The following GRIK1 variants were observed in gnomAD, a reference collection of about 807,000 sequenced individuals.
The protein encoded by GRIK1 is glutamate ionotropic receptor kainate type subunit 1, also known as glutamate receptor ionotropic, kainate 1.
A neutral mutation model predicts 105.7 loss-of-function variants in GRIK1; 69 were observed. The observed-to-expected ratio is 0.65, with a 90% CI of 0.54 to 0.80. GRIK1 has a LOEUF of 0.80. Among genes scored for constraint, GRIK1 ranks in the 30% least tolerant of loss-of-function variants. The probability of loss-of-function intolerance (pLI) is 0.00; values close to 1 mark genes in which losing one functional copy is unlikely to be tolerated. For missense variants in GRIK1, 1,109 were observed against 1,167.3 expected, an observed-to-expected ratio of 0.95 and a Z score of 0.73; for synonymous variants, 438 against 431.3, an observed-to-expected ratio of 1.02 and a Z score of -0.19.
chr21:29,933,343 C>T (rs1200327440), intron 1 of GRIK1, among the ~76,000 whole-genome samples: 1 of 152,054 alleles, frequency 6.6e-6, no homozygotes, highest in Non-Finnish European at 1.5e-5. Flanking sequence ...GTGTTACTGG[C>T]CCATGTTGCC....
chr21:29,872,099 T>A (rs111590767), intron 1 of GRIK1, among the ~76,000 whole-genome samples: 14,475 of 152,018 alleles, frequency 0.095, 878 homozygotes, highest in African/African-American at 0.17. Context: ...ATAAAAACTG[T>A]AAATATTAAT....
chr21:29,833,548 C>T (rs1457704388), intron 1 of GRIK1, among the ~76,000 whole-genome samples: 3 of 152,156 alleles, frequency 2.0e-5, no homozygotes, highest in Admixed American at 2.0e-4. Context: ...GGGGAAGCAG[C>T]TCATCTTACA....
chr21:29,795,838 TAGTG>T (rs1409425655), intron 1 of GRIK1, among the ~76,000 whole-genome samples: 1 of 152,218 alleles, frequency 6.6e-6, no homozygotes, highest in Non-Finnish European at 1.5e-5. Context: ...TTTCTTTTGA[TAGTG>T]AGGCTATCAA....
chr21:29,741,997 C>A (rs2064942196), intron 1 of GRIK1, among the ~76,000 whole-genome samples: 1 of 152,188 alleles, frequency 6.6e-6, no homozygotes, highest in Admixed American at 6.5e-5. Context: ...GGAGAAGGTA[C>A]AATGGCCTCA....
intron 1 of GRIK1, among the ~76,000 whole-genome samples, chr21:29,812,023 A>G (rs902791742): frequency 5.3e-5 from 8 of 152,112 alleles, no homozygotes; most frequent in African/African-American, 9.7e-5. Context: ...ACCCCAAGTC[A>G]TTCTTTACCT....
chr21:29,933,225 C>T (rs1202950615), intron 1 of GRIK1, among the ~76,000 whole-genome samples: 1 of 151,942 alleles, frequency 6.6e-6, no homozygotes, highest in African/African-American at 2.4e-5. Context: ...AATCTTAAAC[C>T]TTTAAGAAAA....
chr21:29,837,038 A>G (rs1328205708), intron 1 of GRIK1, among the ~76,000 whole-genome samples: 1 of 152,178 alleles, frequency 6.6e-6, no homozygotes, highest in Non-Finnish European at 1.5e-5. Flanking sequence ...CTTCACCGTA[A>G]GTACACCCTG....
At chr21:29,878,981 G>A (rs746781944) in intron 1 of GRIK1, among the ~76,000 whole-genome samples, 6 of 152,208 alleles carry the variant, frequency 3.9e-5, no homozygotes, top group African/African-American at 9.6e-5. Context: ...TTGTTTGTAC[G>A]TCACTCGTTT....
intron 8 of GRIK1, 31 bp downstream of exon 8, chr21:29,598,799 T>C (rs760104857): frequency 1.0e-6 from 1 of 967,476 alleles, no homozygotes; most frequent in Admixed American, 2.1e-5. Context: ...GTTCATTTGT[T>C]ATTTTATTTA....
intron 1 of GRIK1, among the ~76,000 whole-genome samples, chr21:29,781,143 C>T (rs2066087665): frequency 6.6e-6 from 1 of 152,182 alleles, no homozygotes; most frequent in African/African-American, 2.4e-5. Flanking sequence ...CACATGCACA[C>T]ACGTATACAC....
chr21:29,614,799 A>T (rs1438983969), intron 7 of GRIK1, among the ~76,000 whole-genome samples: 1 of 151,410 alleles, frequency 6.6e-6, no homozygotes, highest in Non-Finnish European at 1.5e-5. Context: ...AATAGCTACT[A>T]CACATAAACT....
chr21:29,873,103 A>G (rs2069076433), intron 1 of GRIK1, among the ~76,000 whole-genome samples: 1 of 152,238 alleles, frequency 6.6e-6, no homozygotes, highest in South Asian at 2.1e-4. Flanking sequence ...AAGTACAGGA[A>G]AAAAGGAATT....
chr21:29,574,786 C>G (rs1268486661), intron 14 of GRIK1, among the ~76,000 whole-genome samples: 1 of 147,318 alleles, frequency 6.8e-6, no homozygotes. Context: ...CTCCCGGGTT[C>G]ACGCCATTCT....
rs140532624 is a variant in GRIK1 at position 29,724,622 on chromosome 21, A to C, written c.119-30559T>G. On this transcript the variant is annotated intron_variant, in intron 1 of 17. Transcript: ENST00000327783. ...TGACTTCTTTTTAAAGAATACATTA[A>C]ATTTTCTTTGGAGGCTGCATTTGCA... 3.6e-3 allele frequency among the ~76,000 whole-genome samples: 549 copies of C among 152,298 alleles called. 3 individuals carry two copies. Among genetic ancestry groups the C allele is most frequent in the Middle Eastern group, 0.017 (5 of 294 alleles).
chr21:29,568,125 C>CT (rs1472986150), intron 14 of GRIK1, among the ~76,000 whole-genome samples: 1 of 152,194 alleles, frequency 6.6e-6, no homozygotes. Flanking sequence ...TACAGGCAAT[C>CT]TTCCAGCCTT....
chr21:29,870,205 C>T (rs2832461), intron 1 of GRIK1, among the ~76,000 whole-genome samples: 11,871 of 152,068 alleles, frequency 0.078, 485 homozygotes, highest in African/African-American at 0.11. Flanking sequence ...ATTTATATAT[C>T]ATGTTGTGTA....
intron 1 of GRIK1, among the ~76,000 whole-genome samples, chr21:29,727,203 G>A (rs977991012): frequency 3.3e-5 from 5 of 152,260 alleles, no homozygotes; most frequent in South Asian, 4.2e-4. Context: ...TGGGATTACA[G>A]GCATGAGCTA....
At chr21:29,754,559 A>T (rs899221738) in intron 1 of GRIK1, among the ~76,000 whole-genome samples, 14 of 152,334 alleles carry the variant, frequency 9.2e-5, no homozygotes, top group African/African-American at 3.4e-4. Flanking sequence ...GTGAGGAATA[A>T]ATACAAAATC....
At chr21:29,619,829 T>G (rs899885986) in intron 7 of GRIK1, among the ~76,000 whole-genome samples, 70 of 152,314 alleles carry the variant, frequency 4.6e-4, no homozygotes, top group African/African-American at 1.6e-3. Flanking sequence ...GATTCAAATC[T>G]ACCTGCACCT....
Sources: gnomAD v4.1 joint callset for allele counts (sites outside exome capture counted in the v4.1 genomes callset) on GRCh38, gnomAD v4.1.1 for gene constraint, MANE v1.5 for transcripts, NCBI Gene and HGNC (gene_info 2026-07-23, HGNC 2026-07-21) for gene names.